DCAF1: variants seen among roughly 807,000 people sequenced by gnomAD.
DCAF1 encodes the protein DDB1- and CUL4-associated factor 1.
DCAF1 carries 15 observed loss-of-function variants against 128.0 expected under a neutral mutation model. The ratio of observed to expected loss-of-function variants is 0.12; its 90% CI spans 0.08 to 0.18. The LOEUF (loss-of-function observed/expected upper bound fraction) is 0.18, where lower values mean the gene tolerates loss of function less well. DCAF1 is among the 10% of genes least tolerant of loss of function. DCAF1 has a pLI of 1.00. For missense variants in DCAF1, 988 were observed against 1,649.5 expected (o/e 0.60, Z 6.95); for synonymous variants, 610 against 603.0 (o/e 1.01, Z -0.17).
intron 6 of DCAF1, among the ~76,000 whole-genome samples, chr3:51,457,278 A>G (rs1426782991): frequency 6.6e-6 from 1 of 152,236 alleles, no homozygotes; most frequent in African/African-American, 2.4e-5. Context: ...CAGAAGCCTC[A>G]GTAGCCGATG....
At position 51,466,874 on chromosome 3, in the gene DCAF1, G is replaced by T; in HGVS notation, c.190C>A (p.Arg64=). ...CCCAGCATACACTCTGGATCAGCTC[G>T]ACCTACCAAGAGAAGAGGGGAGGAA... The part of the protein sequence containing the change: ...PDPFDDRHPG[R]ADPECMLGHL... Residue 64 remains arginine, a splice_region_variant and synonymous_variant, in exon 5 of 25, where the codon CGA becomes AGA. Transcript: ENST00000684031. 6.2e-7 allele frequency: 1 copy of T among 1,613,438 alleles called. No homozygotes were observed. The highest frequency in any genetic ancestry group is 1.1e-5 in the South Asian group (1 of 91,012).
chr3:51,437,710 G>A (rs782552030), intron 9 of DCAF1, among the ~76,000 whole-genome samples: 3 of 151,964 alleles, frequency 2.0e-5, no homozygotes, highest in Non-Finnish European at 4.4e-5. Context: ...AGCTACTTAG[G>A]AGGCTGAGGC....
intron 3 of DCAF1, among the ~76,000 whole-genome samples, chr3:51,482,678 T>C (rs1706362993): frequency 7.3e-6 from 1 of 136,334 alleles, no homozygotes; most frequent in Admixed American, 8.5e-5. Context: ...GGCAGAAGAA[T>C]AACTTGAACC....
chr3:51,484,665 C>T (rs1421016427), intron 2 of DCAF1, among the ~76,000 whole-genome samples: 1 of 150,836 alleles, frequency 6.6e-6, no homozygotes, highest in Non-Finnish European at 1.5e-5. Context: ...GCATGGCACA[C>T]TCCTGTTTAA....
chr3:51,485,744 A>T (rs1333454318), intron 2 of DCAF1, among the ~76,000 whole-genome samples: 1 of 152,244 alleles, frequency 6.6e-6, no homozygotes, highest in Non-Finnish European at 1.5e-5. Context: ...ATTGCATTGT[A>T]TTATAAAATG....
At chr3:51,497,313 G>A (rs1326551138) in intron 1 of DCAF1, among the ~76,000 whole-genome samples, 1 of 151,952 alleles carries the variant, frequency 6.6e-6, no homozygotes, top group African/African-American at 2.4e-5. Context: ...AAAATAGGCG[G>A]GCACGGTGGC....
intron 6 of DCAF1, among the ~76,000 whole-genome samples, chr3:51,446,993 T>TAATAATAAA (rs1553640396): frequency 6.8e-6 from 1 of 147,540 alleles, no homozygotes; most frequent in Non-Finnish European, 1.5e-5. Context: ...ATAATAATAA[T>TAATAATAAA]AATAATAAAA....
chr3:51,493,562 A>T (rs996585261), intron 2 of DCAF1, among the ~76,000 whole-genome samples: 1 of 152,214 alleles, frequency 6.6e-6, no homozygotes, highest in Non-Finnish European at 1.5e-5. Context: ...ATGAAGAGAT[A>T]AACAAAATGT....
At chr3:51,495,749 G>C (rs1034427075) in intron 2 of DCAF1, among the ~76,000 whole-genome samples, 5 of 152,012 alleles carry the variant, frequency 3.3e-5, no homozygotes, top group African/African-American at 4.8e-5. Flanking sequence ...TTAAAAATCA[G>C]TAGTAGTAGT....
At chr3:51,473,490 C>CAAAAA (rs113483060) in intron 3 of DCAF1, among the ~76,000 whole-genome samples, 3 of 22,802 alleles carry the variant, frequency 1.3e-4, no homozygotes, top group Admixed American at 9.1e-4. Context: ...GACTCCATCT[C>CAAAAA]AAAAAAAAAA....
chr3:51,481,335 A>G (rs145385262), intron 3 of DCAF1, among the ~76,000 whole-genome samples: 198 of 152,256 alleles, frequency 1.3e-3, no homozygotes, highest in African/African-American at 4.4e-3. Context: ...GTATTAAAAG[A>G]GGGTAAACTG....
At chr3:51,459,647 A>G (rs1316254478) in intron 6 of DCAF1, among the ~76,000 whole-genome samples, 1 of 152,232 alleles carries the variant, frequency 6.6e-6, no homozygotes, top group African/African-American at 2.4e-5. Flanking sequence ...ACATCGATGC[A>G]AAAATCCTCA....
At chr3:51,477,242 A>T (rs2108312425) in intron 3 of DCAF1, among the ~76,000 whole-genome samples, 1 of 152,128 alleles carries the variant, frequency 6.6e-6, no homozygotes, top group South Asian at 2.1e-4. Flanking sequence ...TCAATAAAAG[A>T]GCAGACAGGC....
chr3:51,416,491 T>C (rs1197752660), intron 18 of DCAF1, among the ~76,000 whole-genome samples: 2 of 152,212 alleles, frequency 1.3e-5, no homozygotes, highest in African/African-American at 2.4e-5. Flanking sequence ...TGCTTCTTTA[T>C]TGTCTCCCCA....
At chr3:51,472,700 C>T (rs1434638765) in intron 3 of DCAF1, among the ~76,000 whole-genome samples, 10 of 149,082 alleles carry the variant, frequency 6.7e-5, no homozygotes, top group African/African-American at 2.0e-4. Flanking sequence ...GAGTTTCACT[C>T]GTTGCCCAGG....
intron 10 of DCAF1, among the ~76,000 whole-genome samples, chr3:51,431,373 A>G (rs1700358828): frequency 6.6e-6 from 1 of 151,352 alleles, no homozygotes; most frequent in Non-Finnish European, 1.5e-5. Context: ...AAAAAAAATT[A>G]GCCAGGCATG....
At chr3:51,472,969 T>C (rs1704935182) in intron 3 of DCAF1, among the ~76,000 whole-genome samples, 1 of 150,976 alleles carries the variant, frequency 6.6e-6, no homozygotes, top group Non-Finnish European at 1.5e-5. Context: ...CGGTTATTCA[T>C]GCATTATTTA....
chr3:51,449,195 G>A (rs1289961921), intron 6 of DCAF1, among the ~76,000 whole-genome samples: 1 of 152,070 alleles, frequency 6.6e-6, no homozygotes, highest in African/African-American at 2.4e-5. Context: ...TGGTTAAAAT[G>A]AAATTTATTT....
chr3:51,462,287 T>C (rs1047078178), intron 6 of DCAF1, among the ~76,000 whole-genome samples: 37 of 151,840 alleles, frequency 2.4e-4, no homozygotes, highest in African/African-American at 8.7e-4. Context: ...CCAGGCATGG[T>C]AGCGTACACC....
Sources: allele counts gnomAD v4.1 joint callset (sites outside exome capture counted in the v4.1 genomes callset), GRCh38; gene constraint gnomAD v4.1.1; transcripts MANE v1.5; gene names NCBI Gene and HGNC (gene_info 2026-07-23, HGNC 2026-07-21).